FBXO42: variants seen among roughly 807,000 people sequenced by gnomAD.
FBXO42 encodes F-box only protein 42.
Under a neutral mutation model 71.7 loss-of-function variants are expected in FBXO42, and 12 were observed. The observed-to-expected ratio is 0.17, with a 90% CI of 0.11 to 0.27. FBXO42 has a LOEUF of 0.27. FBXO42 is among the 10% of genes least tolerant of loss of function. The pLI, the probability that FBXO42 is intolerant of heterozygous loss-of-function variation, is 1.00. For synonymous variants in FBXO42, 325 were observed against 327.5 expected (o/e 0.99, Z 0.08); for missense variants, 707 against 911.9 (o/e 0.78, Z 2.89).
intron 1 of FBXO42, among the ~76,000 whole-genome samples, chr1:16,332,428 CAT>C (rs1400633747): frequency 6.6e-6 from 1 of 152,138 alleles, no homozygotes. Flanking sequence ...TAATAAATGA[CAT>C]TGCTATATTG....
At chr1:16,255,016 T>C (rs973037728) in intron 6 of FBXO42, among the ~76,000 whole-genome samples, 1 of 152,188 alleles carries the variant, frequency 6.6e-6, no homozygotes, top group East Asian at 1.9e-4. Flanking sequence ...CCATTTCCAC[T>C]TGTCCTGTCA....
intron 1 of FBXO42, among the ~76,000 whole-genome samples, chr1:16,334,241 G>A (rs2082528775): frequency 6.6e-6 from 1 of 151,938 alleles, no homozygotes; most frequent in African/African-American, 2.4e-5. Context: ...AGACCATCCT[G>A]GTTAACACGG....
chr1:16,336,119 G>A (rs2082550600), intron 1 of FBXO42, among the ~76,000 whole-genome samples: 1 of 151,194 alleles, frequency 6.6e-6, no homozygotes, highest in Admixed American at 6.6e-5. Flanking sequence ...TCTGTTTTTA[G>A]TAGAGATGGG....
At chr1:16,327,079 A>G (rs1385822775) in intron 1 of FBXO42, among the ~76,000 whole-genome samples, 1 of 152,192 alleles carries the variant, frequency 6.6e-6, no homozygotes, top group African/African-American at 2.4e-5. Flanking sequence ...ACTTGAGAGC[A>G]GAGACTAAGC....
chr1:16,278,840 G>A (rs535972527), intron 4 of FBXO42, among the ~76,000 whole-genome samples: 60 of 151,802 alleles, frequency 4.0e-4, no homozygotes, highest in Non-Finnish European at 7.7e-4. Flanking sequence ...ATGTAATGGC[G>A]CAATCTTGGC....
At chr1:16,310,293 G>A (rs2082300258) in intron 2 of FBXO42, among the ~76,000 whole-genome samples, 1 of 151,998 alleles carries the variant, frequency 6.6e-6, no homozygotes, top group South Asian at 2.1e-4. Flanking sequence ...CCCAGGAGGT[G>A]GAGGTTGCAA....
intron 1 of FBXO42, among the ~76,000 whole-genome samples, chr1:16,332,733 G>C (rs1487303838): frequency 6.6e-6 from 1 of 152,056 alleles, no homozygotes; most frequent in Non-Finnish European, 1.5e-5. Flanking sequence ...TAGAGATACA[G>C]TTTCACCATG....
At chr1:16,330,162 T>C (rs558201440) in intron 1 of FBXO42, among the ~76,000 whole-genome samples, 1 of 152,300 alleles carries the variant, frequency 6.6e-6, no homozygotes, top group East Asian at 1.9e-4. Flanking sequence ...CCTGCATACC[T>C]TGGGCAAATA....
intron 1 of FBXO42, among the ~76,000 whole-genome samples, chr1:16,329,523 G>A (rs2082478349): frequency 6.6e-6 from 1 of 151,988 alleles, no homozygotes; most frequent in Non-Finnish European, 1.5e-5. Flanking sequence ...GGCAGAGGTT[G>A]CAGTGAGCCA....
chr1:16,295,577 G>C (rs7554026), intron 3 of FBXO42, among the ~76,000 whole-genome samples: 4,041 of 152,070 alleles, frequency 0.027, 184 homozygotes, highest in African/African-American at 0.09. Context: ...ATTTTTAGTA[G>C]AGATGGAGTT....
At chr1:16,346,485 G>A (rs959124979) in intron 1 of FBXO42, among the ~76,000 whole-genome samples, 15 of 151,840 alleles carry the variant, frequency 9.9e-5, no homozygotes, top group African/African-American at 3.1e-4. Flanking sequence ...TCAGGAGATC[G>A]AGACCATCCT....
intron 1 of FBXO42, among the ~76,000 whole-genome samples, chr1:16,338,781 T>C (rs3898023): frequency 1.3e-5 from 2 of 148,192 alleles, no homozygotes; most frequent in Middle Eastern, 3.5e-3. Flanking sequence ...TGTGATGGAA[T>C]GGAACATTTT....
intron 3 of FBXO42, among the ~76,000 whole-genome samples, chr1:16,300,697 G>C (rs1195679195): frequency 6.6e-6 from 1 of 152,084 alleles, no homozygotes; most frequent in Non-Finnish European, 1.5e-5. Context: ...GGGCCTGCTG[G>C]CTCCTGCAGG....
chr1:16,271,936 C>T (rs138562513), intron 4 of FBXO42, among the ~76,000 whole-genome samples: 3,493 of 148,312 alleles, frequency 0.024, 136 homozygotes, highest in African/African-American at 0.082. Context: ...GTCAGGAGTT[C>T]GAGACCAGCC....
chr1:16,268,169 G>A lies in FBXO42; in HGVS notation c.503-11410C>T, dbSNP rs552606430. Among the ~76,000 whole-genome samples the A allele has an allele frequency of 1.7e-3, 253 of 152,296 alleles. 2 individuals are homozygous for A. The highest frequency in any genetic ancestry group is 5.9e-3 in the African/African-American group (244 of 41,574). ...CTCTTTCAAGTAGGGACTTTAAGAA[G>A]TGAAAACAATGTTACCAGTCATAAA... On this transcript the variant is annotated intron_variant, in intron 4 of 9. Transcript: ENST00000375592.
chr1:16,258,913 A>AT (rs1190832717), intron 4 of FBXO42, among the ~76,000 whole-genome samples: 2 of 151,888 alleles, frequency 1.3e-5, no homozygotes, highest in Non-Finnish European at 2.9e-5. Context: ...AATTTTTAAA[A>AT]TTTTTTTGTT....
chr1:16,340,434 C>T (rs2082591401), intron 1 of FBXO42, among the ~76,000 whole-genome samples: 1 of 151,918 alleles, frequency 6.6e-6, no homozygotes. Context: ...AATTCTCCTG[C>T]CTCAGCCTCC....
intron 1 of FBXO42, among the ~76,000 whole-genome samples, chr1:16,347,626 C>A (rs2082663441): frequency 6.6e-6 from 1 of 151,562 alleles, no homozygotes; most frequent in Admixed American, 6.6e-5. Flanking sequence ...AGGCCAAGGC[C>A]AGCGGATCAC....
At chr1:16,326,244 C>T (rs1339603624) in intron 1 of FBXO42, among the ~76,000 whole-genome samples, 3 of 151,348 alleles carry the variant, frequency 2.0e-5, no homozygotes, top group African/African-American at 4.9e-5. Context: ...TTCGCAAAGA[C>T]GGGGTTTCTC....
Sources: allele counts gnomAD v4.1 joint callset (sites outside exome capture counted in the v4.1 genomes callset), GRCh38; gene constraint gnomAD v4.1.1; transcripts MANE v1.5; gene names NCBI Gene and HGNC (gene_info 2026-07-23, HGNC 2026-07-21).